Variants in SLC38A7 observed in about 807,000 individuals in gnomAD.
SLC38A7 encodes sodium-coupled neutral amino acid transporter 7.
In SLC38A7, 29 loss-of-function variants were observed where a neutral mutation model predicts 50.1. The ratio of observed to expected loss-of-function variants is 0.58; its 90% confidence interval spans 0.43 to 0.79. The LOEUF is 0.79. SLC38A7 is among the 30% of genes least tolerant of loss of function. SLC38A7 has a pLI of 0.00. For synonymous variants in SLC38A7, 244 were observed against 245.9 expected (o/e 0.99, Z 0.07); for missense variants, 483 against 610.6 (o/e 0.79, Z 2.20).
Position 58,678,501 on chromosome 16 carries a change from C to A in SLC38A7, c.470-27G>T. 6.5e-7 allele frequency: 1 copy of A among 1,543,250 alleles called. No individual in the cohort carries two copies. Among genetic ancestry groups the A allele is most frequent in the South Asian group, 1.3e-5 (1 of 79,522 alleles). On this transcript the variant is annotated intron_variant, in intron 4 of 11. Coordinates refer to ENST00000219320, the MANE Select transcript of SLC38A7 (RefSeq NM_018231.3). The surrounding 1 kb of genome is among the most constrained non-coding windows in gnomAD (Gnocchi z 4.0). ...TGCACAGGGAGGAAGGAGGGAATGT[C>A]AAGCCAGGCCACCATGGGGTGTGGC... is the stretch of plus-strand genomic sequence containing the variant.
Position 58,666,017 on chromosome 16 carries a change from G to A in SLC38A7, c.*1368C>T, listed in dbSNP as rs2152072570. The A allele has an allele frequency of 6.6e-6, 1 of 152,608 alleles. No individual in the cohort carries two copies. Among genetic ancestry groups the A allele is most frequent in the Non-Finnish European group, 1.5e-5 (1 of 68,222 alleles). The allele number at this position is 152,608 out of a possible 1,614,324, so 9.5% of individuals were successfully genotyped here. A position where few individuals can be genotyped will look rare whatever the true frequency, so the allele number is the denominator to read the frequency against. On this transcript the variant is annotated 3_prime_UTR_variant, in exon 12 of 12. Coordinates refer to ENST00000219320, the MANE Select transcript of SLC38A7 (RefSeq NM_018231.3). ...CTGGAAGGGAAACTTCCAGGCCAGT[G>A]TGGCAGGCTCAAATGCTGCCCATCA...
intron 6 of SLC38A7, 54 bp downstream of exon 6, chr16:58,677,272 C>T: frequency 1.3e-6 from 2 of 1,515,430 alleles, no homozygotes; most frequent in Middle Eastern, 1.7e-4. Flanking sequence ...CCAGCACCTG[C>T]TGGGGCCCAA....
At chr16:58,675,850 G>T in intron 8 of SLC38A7, 90 bp downstream of exon 8, 3 of 994,614 alleles carry the variant, frequency 3.0e-6, no homozygotes, top group Non-Finnish European at 4.5e-6. Context: ...ATGCAGGGCT[G>T]TCCCCAGGAA....
chr16:58,670,114 T>A lies in SLC38A7; in HGVS notation c.1285A>T (p.Ser429Cys). ...ATCAAGGGCTGGGTCCTGCTTTACCTGGCTGGTTTGACCTCTTCCATCTCA... is the reference window on the plus strand; with the variant it reads ...ATCAAGGGCTGGGTCCTGCTTTACCAGGCTGGTTTGACCTCTTCCATCTCA... Reference protein sequence around the residue: ...LSEMEEVKPASWWVLVSYGVL... With the variant: ...LSEMEEVKPACWWVLVSYGVL... Residue 429 changes from serine to cysteine, a missense_variant and splice_region_variant, in exon 11 of 12, where the codon AGC (serine) becomes TGC (cysteine). Ser to Cys is a moderately radical substitution (Grantham distance 112). Coordinates refer to ENST00000219320, the MANE Select transcript of SLC38A7 (RefSeq NM_018231.3). The A allele has an allele frequency of 6.2e-7, 1 of 1,614,132 alleles. No homozygotes were observed. The highest frequency in any genetic ancestry group is 8.5e-7 in the Non-Finnish European group (1 of 1,179,972).
chr16:58,678,764 G>C lies in SLC38A7; in HGVS notation c.401C>G (p.Ala134Gly), dbSNP rs1188811417. The change falls in exon 4 of 12, where the codon GCC becomes GGC. Residue 134 changes from alanine to glycine, a missense_variant. Ala to Gly is a moderately conservative substitution (Grantham distance 60, BLOSUM62 0). Transcript: ENST00000219320. The surrounding 1 kb of genome is among the most constrained non-coding windows in gnomAD (Gnocchi z 4.0). Reference protein sequence around the residue: ...GKLTGVLCEVAIAVYTFGTCI... With the variant: ...GKLTGVLCEVGIAVYTFGTCI... ...GGTGCCAAAGGTGTAGACAGCGATG[G>C]CCACCTCACATAGCACACCTGTCAG... The C allele has an allele frequency of 6.2e-7, 1 of 1,614,066 alleles. No individual in the cohort carries two copies. Among genetic ancestry groups the C allele is most frequent in the Non-Finnish European group, 8.5e-7 (1 of 1,180,036 alleles).
intron 2 of SLC38A7, among the ~76,000 whole-genome samples, chr16:58,682,242 TG>T (rs751481155): frequency 2.1e-4 from 32 of 151,938 alleles, no homozygotes; most frequent in Non-Finnish European, 4.0e-4. Context: ...GGATAGCTAA[TG>T]GGAGAAAGAG....
intron 11 of SLC38A7, among the ~76,000 whole-genome samples, chr16:58,667,862 C>T (rs1199163440): frequency 6.6e-6 from 1 of 152,148 alleles, no homozygotes; most frequent in Non-Finnish European, 1.5e-5. Flanking sequence ...AGGGATAAAA[C>T]GGAATTGAAA....
intron 2 of SLC38A7, among the ~76,000 whole-genome samples, chr16:58,680,815 T>G (rs1206907042): frequency 6.6e-6 from 1 of 152,166 alleles, no homozygotes; most frequent in African/African-American, 2.4e-5. Flanking sequence ...TTCTCGACTC[T>G]TCTCTCATGT....
chr16:58,676,671 A>C (rs2044273968), intron 6 of SLC38A7, among the ~76,000 whole-genome samples: 1 of 151,940 alleles, frequency 6.6e-6, no homozygotes. Context: ...TATTTTTTTG[A>C]GATGGAGTCT....
In SLC38A7 at chr16:58,678,517, G is replaced by C. The variant is rs1384313585; in HGVS notation, c.470-43C>G. The C allele has an allele frequency of 6.5e-7, 1 of 1,547,178 alleles. No individual in the cohort carries two copies. ...AGGGAATGTCAAGCCAGGCCACCATGGGGTGTGGCCCTCCTGCTCTGCTGG... is the reference window on the plus strand; with the variant it reads ...AGGGAATGTCAAGCCAGGCCACCATCGGGTGTGGCCCTCCTGCTCTGCTGG... On this transcript the variant is annotated intron_variant, in intron 4 of 11. Coordinates refer to ENST00000219320, the MANE Select transcript of SLC38A7 (RefSeq NM_018231.3). This position sits in a 1 kb window ranked among gnomAD's most constrained non-coding sequence, Gnocchi z 4.0.
intron 11 of SLC38A7, among the ~76,000 whole-genome samples, chr16:58,668,445 C>T (rs959304689): frequency 2.6e-4 from 39 of 152,238 alleles, no homozygotes; most frequent in Admixed American, 2.2e-3. Context: ...CATGGTGCTG[C>T]GCACCTGTAA....
At position 58,667,774 on chromosome 16, in the gene SLC38A7, A is replaced by G. The variant is rs546963563; in HGVS notation, c.1287-287T>C. 5.3e-5 allele frequency among the ~76,000 whole-genome samples: 8 copies of G among 152,302 alleles called. No homozygotes were observed. In the East Asian group the frequency reaches 1.3e-3, roughly 26 times the overall value. On this transcript the variant is annotated intron_variant, in intron 11 of 11. Transcript: ENST00000219320. ...AGATGTTCAGAAAAAAGCACGTCAC[A>G]TGGAATGTGGTCTATTTCATTAAAA...
At chr16:58,682,852 G>A (rs551894847) in intron 2 of SLC38A7, among the ~76,000 whole-genome samples, 92 of 152,178 alleles carry the variant, frequency 6.0e-4, no homozygotes, top group Non-Finnish European at 1.1e-3. Context: ...GGCTGGTCTT[G>A]AACTCCTGAC....
chr16:58,670,150 C>T lies in SLC38A7; in HGVS notation c.1249G>A (p.Ala417Thr). 1.2e-6 allele frequency: 2 copies of T among 1,614,144 alleles called. No individual in the cohort carries two copies. The highest frequency in any genetic ancestry group is 1.7e-6 in the Non-Finnish European group (2 of 1,180,004). Residue 417 changes from alanine to threonine, a missense_variant, in exon 11 of 12, where the codon GCC (alanine) becomes ACC (threonine). Coordinates refer to ENST00000219320, the MANE Select transcript of SLC38A7 (RefSeq NM_018231.3). ...FVFPGLCLIQAKLSEMEEVKP... is the reference protein window; with the variant it reads ...FVFPGLCLIQTKLSEMEEVKP... ...ACCTCTTCCATCTCAGAGAGTTTGG[C>T]TTGAATGAGGCACAGCCCTGAAAGA...
chr16:58,682,923 G>T (rs2044422413), intron 2 of SLC38A7, among the ~76,000 whole-genome samples: 1 of 152,038 alleles, frequency 6.6e-6, no homozygotes, highest in Admixed American at 6.6e-5. Flanking sequence ...ACCACGCCTG[G>T]CCAACTTTTT....
intron 5 of SLC38A7, chr16:58,677,679 C>G (rs2044299195): frequency 2.1e-6 from 1 of 487,422 alleles, no homozygotes; most frequent in East Asian, 3.8e-5. Context: ...AGCTCCATGG[C>G]TCAGAGACGA....
At chr16:58,679,183 G>T (rs1399151591) in intron 3 of SLC38A7, among the ~76,000 whole-genome samples, 1 of 152,228 alleles carries the variant, frequency 6.6e-6, no homozygotes, top group African/African-American at 2.4e-5. Flanking sequence ...CTTGAAGTCA[G>T]GAGTTTGAGA....
chr16:58,674,143 T>C (rs117588596), intron 8 of SLC38A7, among the ~76,000 whole-genome samples: 2,890 of 152,220 alleles, frequency 0.019, 57 homozygotes, highest in Non-Finnish European at 0.028. Context: ...GCTAATTCTT[T>C]AATTTTTGTA....
intron 3 of SLC38A7, 71 bp downstream of exon 3, chr16:58,679,785 AC>A: frequency 6.3e-7 from 1 of 1,598,472 alleles, no homozygotes; most frequent in African/African-American, 1.3e-5. Context: ...GCCATCCCTG[AC>A]CCGAAGCCTC....
Sources: allele counts gnomAD v4.1 joint callset (sites outside exome capture counted in the v4.1 genomes callset), GRCh38; gene constraint gnomAD v4.1.1; non-coding constraint Gnocchi (gnomAD v3.1); transcripts MANE v1.5; gene names NCBI Gene and HGNC (gene_info 2026-07-23, HGNC 2026-07-21).